Variants in ADGRB3 observed in about 807,000 individuals in gnomAD.
ADGRB3 encodes the protein adhesion G protein-coupled receptor B3.
ADGRB3 carries 37 observed loss-of-function variants against 193.4 expected under a neutral mutation model. That is an observed-to-expected ratio of 0.19 (90% confidence interval 0.15 to 0.25). The LOEUF (loss-of-function observed/expected upper bound fraction) is 0.25, where lower values mean the gene tolerates loss of function less well. ADGRB3 is among the 10% of genes least tolerant of loss of function. The pLI is 1.00. For synonymous variants in ADGRB3, 690 were observed against 644.2 expected (o/e 1.07, Z -1.08); for missense variants, 1,637 against 1,852.9 (o/e 0.88, Z 2.14).
At chr6:68,985,663 A>G (rs976138335) in intron 10 of ADGRB3, among the ~76,000 whole-genome samples, 1 of 152,166 alleles carries the variant, frequency 6.6e-6, no homozygotes, top group Non-Finnish European at 1.5e-5. Flanking sequence ...GAAGGACTGT[A>G]ATAAACAGAG....
intron 3 of ADGRB3, among the ~76,000 whole-genome samples, chr6:68,841,678 C>A (rs899411368): frequency 6.6e-6 from 1 of 152,140 alleles, no homozygotes; most frequent in Non-Finnish European, 1.5e-5. Context: ...AATAAACAAC[C>A]TGATGATGCA....
intron 17 of ADGRB3, among the ~76,000 whole-genome samples, chr6:69,092,956 T>C (rs1448766404): frequency 1.3e-5 from 2 of 148,434 alleles, no homozygotes; most frequent in East Asian, 4.0e-4. Flanking sequence ...GATTCAGGGG[T>C]AGAGCAGTAG....
intron 17 of ADGRB3, among the ~76,000 whole-genome samples, chr6:69,164,419 A>G (rs1052922636): frequency 2.0e-5 from 3 of 152,170 alleles, no homozygotes; most frequent in Non-Finnish European, 4.4e-5. Context: ...AAAAACATGT[A>G]GAATCAGCGG....
At position 69,080,807 on chromosome 6, in the gene ADGRB3, C is replaced by G. The variant is rs1772365363; in HGVS notation, c.2480+4769C>G. On this transcript the variant is annotated intron_variant, in intron 17 of 31. Transcript: ENST00000370598. ...AAGAAGTTATGTTACCTTTGTAGCA[C>G]AGGTTGGTCTGTTTAGTACATGTTA... 4.6e-5 allele frequency among the ~76,000 whole-genome samples: 7 copies of G among 152,088 alleles called. No individual in the cohort carries two copies. In the South Asian group the frequency reaches 1.4e-3, roughly 32 times the overall value.
chr6:69,031,048 T>TCTC (rs1770651403), intron 13 of ADGRB3, among the ~76,000 whole-genome samples: 1 of 12,842 alleles, frequency 7.8e-5, no homozygotes, highest in Non-Finnish European at 2.0e-4. Context: ...TCTCTTCTCT[T>TCTC]CTCTTCTCTT....
chr6:68,778,757 C>T (rs1032112397), intron 3 of ADGRB3, among the ~76,000 whole-genome samples: 1 of 152,044 alleles, frequency 6.6e-6, no homozygotes, highest in African/African-American at 2.4e-5. Flanking sequence ...ATCCAAAATA[C>T]TACCTCTCTC....
chr6:68,993,595 G>A (rs1769299045), intron 10 of ADGRB3, among the ~76,000 whole-genome samples, 173 bp from the exon 11 acceptor site: 1 of 152,190 alleles, frequency 6.6e-6, no homozygotes, highest in Admixed American at 6.5e-5. Context: ...CATGCTGGAT[G>A]TTTATCCATC....
intron 17 of ADGRB3, among the ~76,000 whole-genome samples, chr6:69,224,775 T>A (rs968179649): frequency 6.6e-5 from 10 of 152,186 alleles, no homozygotes; most frequent in African/African-American, 2.4e-4. Context: ...TTTTAAAATG[T>A]CTGCCGTTTT....
intron 20 of ADGRB3, among the ~76,000 whole-genome samples, chr6:69,304,585 A>T (rs1039305819): frequency 6.6e-6 from 1 of 151,676 alleles, no homozygotes; most frequent in African/African-American, 2.4e-5. Context: ...CTTCTTTGAC[A>T]GTTATATTTT....
chr6:69,018,098 A>C (rs575830272), intron 12 of ADGRB3, among the ~76,000 whole-genome samples: 51 of 152,064 alleles, frequency 3.4e-4, no homozygotes, highest in Middle Eastern at 6.8e-3. Flanking sequence ...AAAAGAGTTC[A>C]TCAAAAGAAA....
At chr6:69,055,251 G>A (rs1419969049) in intron 15 of ADGRB3, among the ~76,000 whole-genome samples, 2 of 152,102 alleles carry the variant, frequency 1.3e-5, no homozygotes, top group African/African-American at 4.8e-5. Context: ...TTTTCATCTT[G>A]CAAAATTAAG....
intron 18 of ADGRB3, among the ~76,000 whole-genome samples, chr6:69,234,188 T>G (rs116674803): frequency 1.5e-3 from 230 of 152,256 alleles, no homozygotes; most frequent in African/African-American, 5.1e-3. Context: ...TATTTGAGGT[T>G]TTAGAACACG....
chr6:69,060,220 T>TTTC (rs1771698405), intron 15 of ADGRB3, among the ~76,000 whole-genome samples: 2 of 129,552 alleles, frequency 1.5e-5, no homozygotes, highest in African/African-American at 6.2e-5. Flanking sequence ...CTCTCTCTCT[T>TTTC]TCTCTCTCTC....
intron 17 of ADGRB3, among the ~76,000 whole-genome samples, chr6:69,205,965 A>T (rs1195514821): frequency 2.7e-5 from 4 of 145,786 alleles, no homozygotes; most frequent in Non-Finnish European, 4.5e-5. Context: ...TTTTTTTTTT[A>T]CATTGTATTA....
chr6:68,772,894 A>AAAAAAATAT (rs1466813173), intron 3 of ADGRB3, among the ~76,000 whole-genome samples: 1 of 22,882 alleles, frequency 4.4e-5, no homozygotes, highest in African/African-American at 1.9e-4. Flanking sequence ...AAAAAAAAAA[A>AAAAAAATAT]ATATATATAT....
At chr6:68,846,526 G>T (rs367732192) in intron 3 of ADGRB3, among the ~76,000 whole-genome samples, 1 of 152,242 alleles carries the variant, frequency 6.6e-6, no homozygotes, top group Non-Finnish European at 1.5e-5. Context: ...CAGGGATTTG[G>T]TGTCCTGTGT....
At chr6:68,979,558 G>A (rs1768848341) in intron 10 of ADGRB3, among the ~76,000 whole-genome samples, 1 of 151,470 alleles carries the variant, frequency 6.6e-6, no homozygotes, top group Non-Finnish European at 1.5e-5. Context: ...AGAACAAAGT[G>A]CTAAACGTTG....
intron 17 of ADGRB3, among the ~76,000 whole-genome samples, chr6:69,204,931 T>C (rs1765504506): frequency 6.6e-6 from 1 of 152,180 alleles, no homozygotes; most frequent in Non-Finnish European, 1.5e-5. Flanking sequence ...TTTCAATTTC[T>C]GAAAATCATA....
intron 3 of ADGRB3, among the ~76,000 whole-genome samples, chr6:68,816,649 AG>A (rs1420717071): frequency 1.3e-5 from 2 of 152,144 alleles, no homozygotes; most frequent in East Asian, 3.9e-4. Context: ...CTGGCTCCCA[AG>A]CTACCTTTTC....
Sources: gnomAD v4.1 joint callset for allele counts (sites outside exome capture counted in the v4.1 genomes callset) on GRCh38, gnomAD v4.1.1 for gene constraint, MANE v1.5 for transcripts, NCBI Gene and HGNC (gene_info 2026-07-23, HGNC 2026-07-21) for gene names.